CHRM4: variants seen among roughly 807,000 people sequenced by gnomAD.
CHRM4 encodes muscarinic acetylcholine receptor M4.
A neutral mutation model predicts 26.3 loss-of-function variants in CHRM4; 5 were observed. The observed-to-expected ratio is 0.19, with a 90% CI of 0.10 to 0.40. The LOEUF is 0.40. Ranked by LOEUF, CHRM4 falls within the 10% of genes least tolerant of loss-of-function variation. CHRM4 has a pLI of 1.00. For synonymous variants in CHRM4, 290 were observed against 285.3 expected, an observed-to-expected ratio of 1.02 and a Z score of -0.16; for missense variants, 402 against 664.5, an observed-to-expected ratio of 0.60 and a Z score of 4.34.
chr11:46,387,564 C>T (rs1945352807), intron 1 of CHRM4, among the ~76,000 whole-genome samples: 1 of 152,186 alleles, frequency 6.6e-6, no homozygotes, highest in Admixed American at 6.5e-5. Flanking sequence ...CGGCTTCTTG[C>T]ACTATGTTGC....
intron 1 of CHRM4, among the ~76,000 whole-genome samples, chr11:46,390,049 C>CAG (rs1215829058): frequency 6.6e-6 from 1 of 152,178 alleles, no homozygotes; most frequent in African/African-American, 2.4e-5. Context: ...GGTGCCTCTA[C>CAG]ACCTGTGGAC....
chr11:46,390,038 G>A (rs1471572265), intron 1 of CHRM4, among the ~76,000 whole-genome samples: 1 of 152,180 alleles, frequency 6.6e-6, no homozygotes, highest in Non-Finnish European at 1.5e-5. Context: ...CACACGGTTC[G>A]GGTGCCTCTA....
intron 1 of CHRM4, among the ~76,000 whole-genome samples, chr11:46,387,967 C>G (rs764936270): frequency 4.6e-5 from 7 of 152,226 alleles, no homozygotes; most frequent in Non-Finnish European, 1.0e-4. Context: ...CCGGGCGGCG[C>G]CCTAGCTGGA....
At chr11:46,388,169 T>A (rs1426771613) in intron 1 of CHRM4, among the ~76,000 whole-genome samples, 1 of 152,092 alleles carries the variant, frequency 6.6e-6, no homozygotes, top group East Asian at 1.9e-4. Context: ...CGCGGGCCCA[T>A]CACAGCCACG....
At chr11:46,387,976 G>T (rs1414689172) in intron 1 of CHRM4, among the ~76,000 whole-genome samples, 1 of 152,200 alleles carries the variant, frequency 6.6e-6, no homozygotes, top group Non-Finnish European at 1.5e-5. Flanking sequence ...GCCCTAGCTG[G>T]AGTCCCCACC....
chr11:46,387,030 G>A (rs540304905), intron 1 of CHRM4, among the ~76,000 whole-genome samples: 2 of 143,504 alleles, frequency 1.4e-5, no homozygotes, highest in South Asian at 4.3e-4. Context: ...AGGCCTGGAG[G>A]CAGCGCAAGG....
intron 1 of CHRM4, among the ~76,000 whole-genome samples, chr11:46,390,216 G>A (rs758594907): frequency 3.9e-5 from 6 of 152,186 alleles, no homozygotes; most frequent in Non-Finnish European, 7.3e-5. Flanking sequence ...GTGGGTGAAG[G>A]GTTGTGCGGG....
In CHRM4 at chr11:46,391,005, C is replaced by A. The variant is rs1713331087; in HGVS notation, c.-30+526G>T. On this transcript the variant is annotated intron_variant, in intron 1 of 1. Transcript: ENST00000682254. This position sits in a 1 kb window ranked among gnomAD's most constrained non-coding sequence, Gnocchi z 6.3. ...TTTGGCACCGACATTGTGCCCAACA[C>A]TTCCGTTGCGGGGCCGGAGGAGGGG... 6.6e-6 allele frequency among the ~76,000 whole-genome samples: 1 copy of A among 152,106 alleles called. No individual in the cohort carries two copies. Among genetic ancestry groups the A allele is most frequent in the African/African-American group, 2.4e-5 (1 of 41,422 alleles).
In CHRM4 at chr11:46,385,546, T is replaced by C. The variant is rs1007911460; in HGVS notation, c.1012A>G (p.Arg338Gly). 6.4e-7 allele frequency: 1 copy of C among 1,573,954 alleles called. No homozygotes were observed. The highest frequency in any genetic ancestry group is 1.7e-5 in the Admixed American group (1 of 58,162). ...GTCACAATCTGGATCTTGGACCATC[T>C]GGAGGCTGGGTTGAGGGCCCGCGGC... ...LQPRALNPAS[R>G]WSKIQIVTKQ... The change falls in exon 2 of 2, where the codon AGA becomes GGA. Residue 338 changes from arginine (R) to glycine (G), a missense_variant. Arg to Gly is a moderately radical substitution (Grantham distance 125). Coordinates refer to ENST00000682254, the MANE Select transcript of CHRM4 (RefSeq NM_000741.5). The surrounding 1 kb of genome is among the most constrained non-coding windows in gnomAD (Gnocchi z 6.3).
At chr11:46,389,374 C>T (rs930976736) in intron 1 of CHRM4, among the ~76,000 whole-genome samples, 1 of 152,238 alleles carries the variant, frequency 6.6e-6, no homozygotes, top group East Asian at 1.9e-4. Context: ...TCTTGGCCCG[C>T]GTGAGGGAGC....
chr11:46,386,349 A>T lies in CHRM4; in HGVS notation c.209T>A (p.Phe70Tyr). 6.2e-7 allele frequency: 1 copy of T among 1,613,952 alleles called. No individual in the cohort carries two copies. Among genetic ancestry groups the T allele is most frequent in the Non-Finnish European group, 8.5e-7 (1 of 1,179,918 alleles). ...NRQLQTVNNY[F>Y]LFSLACADLI... The stretch of plus-strand genomic sequence containing the variant: ...ATCAGCACACGCCAGGCTGAAGAGG[A>T]AGTAGTTGTTGACTGTCTGCAGCTG... The change falls in exon 2 of 2, where the codon TTC becomes TAC. Residue 70 changes from phenylalanine (F) to tyrosine (Y), a missense_variant. Around this residue, in one of 5 missense-constraint regions of CHRM4, gnomAD observed 92 missense variants for 133.1 expected, o/e 0.69. Coordinates refer to ENST00000682254, the MANE Select transcript of CHRM4 (RefSeq NM_000741.5). This position sits in a 1 kb window ranked among gnomAD's most constrained non-coding sequence, Gnocchi z 5.8.
intron 1 of CHRM4, among the ~76,000 whole-genome samples, chr11:46,389,535 C>A (rs772940486): frequency 1.4e-4 from 21 of 152,346 alleles, no homozygotes; most frequent in Admixed American, 2.6e-4. Context: ...ATCTGGGGAG[C>A]GAGCCGCCGC....
Position 46,384,975 on chromosome 11 carries a change from G to T in CHRM4, c.*143C>A. 7.8e-7 allele frequency: 1 copy of T among 1,276,694 alleles called. No individual in the cohort carries two copies. Among genetic ancestry groups the T allele is most frequent in the Non-Finnish European group, 1.1e-6 (1 of 949,876 alleles). The allele number at this position is 1,276,694 out of a possible 1,614,324, so 79.1% of individuals were successfully genotyped here. On this transcript the variant is annotated 3_prime_UTR_variant, in exon 2 of 2. Transcript: ENST00000682254. ...AGCAGAGATCTGGTCTCTGAATGCA[G>T]CCACAGAGCCTCTTCTGAACTTCCT... is the stretch of plus-strand genomic sequence containing the variant.
At position 46,386,789 on chromosome 11, in the gene CHRM4, G is replaced by A. The variant is rs186008458; in HGVS notation, c.-29-203C>T. 2.6e-5 allele frequency among the ~76,000 whole-genome samples: 4 copies of A among 152,310 alleles called. No individual in the cohort carries two copies. The highest frequency in any genetic ancestry group is 1.9e-4 in the East Asian group (1 of 5,192). Reference sequence around the variant, plus strand: ...GGCAAGCATTGCTCAGGGTGCTGTGGCTACAGAAGTGAATAAGACACACAT... The same window carrying A: ...GGCAAGCATTGCTCAGGGTGCTGTGACTACAGAAGTGAATAAGACACACAT... On this transcript the variant is annotated intron_variant, in intron 1 of 1. Transcript: ENST00000682254. This position sits in a 1 kb window ranked among gnomAD's most constrained non-coding sequence, Gnocchi z 5.8.
chr11:46,387,757 C>G (rs901872853), intron 1 of CHRM4, among the ~76,000 whole-genome samples: 2 of 152,176 alleles, frequency 1.3e-5, no homozygotes, highest in Non-Finnish European at 2.9e-5. Context: ...TCAGGAGGTA[C>G]CTGCAACTGT....
Position 46,385,968 on chromosome 11 carries a change from A to C in CHRM4, c.590T>G (p.Phe197Cys), listed in dbSNP as rs1434307119. The change falls in exon 2 of 2, where the codon TTT becomes TGT. Residue 197 changes from phenylalanine (F) to cysteine (C), a missense_variant. Phe to Cys is a radical substitution (Grantham distance 205). Transcript: ENST00000682254. This position sits in a 1 kb window ranked among gnomAD's most constrained non-coding sequence, Gnocchi z 6.3. Reference protein sequence around the residue: ...IQFLSNPAVTFGTAIAAFYLP... With the variant: ...IQFLSNPAVTCGTAIAAFYLP... Reference sequence around the variant, plus strand: ...GTAGAAGGCAGCAATGGCTGTGCCAAAGGTCACTGCTGGGTTGGACAGGAA... The same window carrying C: ...GTAGAAGGCAGCAATGGCTGTGCCACAGGTCACTGCTGGGTTGGACAGGAA... 1.9e-6 allele frequency: 3 copies of C among 1,612,920 alleles called. No individual in the cohort carries two copies. Among genetic ancestry groups the C allele is most frequent in the Middle Eastern group, 1.7e-4 (1 of 6,060 alleles).
intron 1 of CHRM4, among the ~76,000 whole-genome samples, chr11:46,390,749 C>T (rs1351474143): frequency 6.6e-6 from 1 of 152,278 alleles, no homozygotes. Context: ...AAGCCCCTAG[C>T]ACGCAGTTCC....
chr11:46,387,968 C>A (rs1935843522), intron 1 of CHRM4, among the ~76,000 whole-genome samples: 1 of 152,212 alleles, frequency 6.6e-6, no homozygotes, highest in Non-Finnish European at 1.5e-5. Context: ...CGGGCGGCGC[C>A]CTAGCTGGAG....
rs201527120 is a variant in CHRM4 at position 46,386,186 on chromosome 11, G to A, written c.372C>T (p.Leu124=). ...AGAAGTAGCGGTCAAAGCTGATGAT[G>A]AGAAGGTTCATGACGGAGGCGTTGC... The part of the protein sequence containing the change: ...VVSNASVMNL[L]IISFDRYFCV... The change falls in exon 2 of 2, where the codon CTC becomes CTT. Residue 124 remains leucine, a synonymous_variant. Transcript: ENST00000682254. The surrounding 1 kb of genome is among the most constrained non-coding windows in gnomAD (Gnocchi z 5.8). 1.7e-5 allele frequency: 27 copies of A among 1,613,830 alleles called. No homozygotes were observed. The highest frequency in any genetic ancestry group is 2.0e-5 in the Non-Finnish European group (24 of 1,179,882).
Sources: gnomAD v4.1 joint callset for allele counts (sites outside exome capture counted in the v4.1 genomes callset) on GRCh38, gnomAD v4.1.1 for gene constraint, gnomAD v4.1.1 regional missense constraint, Gnocchi (gnomAD v3.1) non-coding constraint, MANE v1.5 for transcripts, NCBI Gene and HGNC (gene_info 2026-07-23, HGNC 2026-07-21) for gene names.